The following FIZ1 variants were observed in gnomAD, a reference collection of about 807,000 sequenced individuals.
The protein encoded by FIZ1 is FLT3 interacting zinc finger 1, also known as flt3-interacting zinc finger protein 1.
FIZ1 carries 2 observed loss-of-function variants against 5.3 expected under a neutral mutation model. The observed-to-expected ratio is 0.37, with a 90% CI of 0.15 to 1.18. FIZ1 has a LOEUF of 1.18. Among genes scored for constraint, FIZ1 ranks in the 50% most tolerant of loss-of-function variants. The probability of loss-of-function intolerance (pLI) is 0.37; values close to 1 mark genes in which losing one functional copy is unlikely to be tolerated. For missense variants in FIZ1, 631 were observed against 749.7 expected (o/e 0.84, Z 1.85); for synonymous variants, 407 against 364.2 (o/e 1.12, Z -1.34).
intron 2 of FIZ1, among the ~76,000 whole-genome samples, chr19:55,594,525 G>A (rs1182096984): frequency 2.0e-5 from 3 of 151,140 alleles, no homozygotes; most frequent in Admixed American, 6.6e-5. Context: ...GTGAAACCCC[G>A]TCTCTACTAA....
rs1242370357 is a variant in FIZ1 at position 55,592,389 on chromosome 19, C to A, written c.*61G>T. 82 of 1,452,678 alleles carry A rather than the reference C, an allele frequency of 5.6e-5. No individual in the cohort carries two copies. The highest frequency in any genetic ancestry group is 7.3e-5 in the Non-Finnish European group (79 of 1,089,312). The allele number at this position is 1,452,678 out of a possible 1,614,324, so 90.0% of individuals were successfully genotyped here. On this transcript the variant is annotated 3_prime_UTR_variant, in exon 3 of 3. Transcript: ENST00000221665. This position sits in a 1 kb window ranked among gnomAD's most constrained non-coding sequence, Gnocchi z 6.9. Reference sequence around the variant, plus strand: ...GGGGCCTCACGCGCAGTCCCGAGGTCCCCTGGTCCAGGCCGAGTCCAGGAG... The same window carrying A: ...GGGGCCTCACGCGCAGTCCCGAGGTACCCTGGTCCAGGCCGAGTCCAGGAG...
chr19:55,593,819 G>A lies in FIZ1; in HGVS notation c.295-173C>T, dbSNP rs1980181206. 6.6e-6 allele frequency among the ~76,000 whole-genome samples: 1 copy of A among 152,070 alleles called. No homozygotes were observed. Among genetic ancestry groups the A allele is most frequent in the African/African-American group, 2.4e-5 (1 of 41,400 alleles). ...GTTTGGGGTCACGGTAGATTCTTTC[G>A]GTCCTTAAAAAGGCCATGTCCTGGC... On this transcript the variant is annotated intron_variant, in intron 2 of 2. Transcript: ENST00000221665. This position sits in a 1 kb window ranked among gnomAD's most constrained non-coding sequence, Gnocchi z 6.3.
chr19:55,595,266 C>A (rs1162501798), intron 2 of FIZ1, among the ~76,000 whole-genome samples: 4 of 152,196 alleles, frequency 2.6e-5, no homozygotes, highest in African/African-American at 9.6e-5. Flanking sequence ...ATTTGCCTTT[C>A]TGGCTCCAGA....
At position 55,593,252 on chromosome 19, in the gene FIZ1, C is replaced by A; in HGVS notation, c.689G>T (p.Cys230Phe). 7.9e-7 allele frequency: 1 copy of A among 1,269,338 alleles called. No individual in the cohort carries two copies. The highest frequency in any genetic ancestry group is 1.0e-6 in the Non-Finnish European group (1 of 998,976). 78.6% of individuals were successfully genotyped at this position (1,269,338 alleles called of 1,614,324 possible). A position where few individuals can be genotyped will look rare whatever the true frequency, so the allele number is the denominator to read the frequency against. The change falls in exon 3 of 3, where the codon TGC becomes TTC. Residue 230 changes from cysteine to phenylalanine, a missense_variant. Cys to Phe is a radical substitution (Grantham distance 205). Transcript: ENST00000221665. The surrounding 1 kb of genome is among the most constrained non-coding windows in gnomAD (Gnocchi z 6.3). ...AAHTDVKPFKCPRCERDFNAP... is the reference protein window; with the variant it reads ...AAHTDVKPFKFPRCERDFNAP... ...GTTGAAGTCGCGCTCGCAGCGCGGG[C>A]ACTTGAAGGGCTTCACGTCGGTGTG... is the stretch of plus-strand genomic sequence containing the variant.
intron 2 of FIZ1, among the ~76,000 whole-genome samples, chr19:55,597,129 A>G (rs1044146784): frequency 1.3e-5 from 2 of 152,272 alleles, no homozygotes; most frequent in Non-Finnish European, 2.9e-5. Context: ...TTGGCAACAC[A>G]GCCGTTTGGT....
Position 55,592,556 on chromosome 19 carries a change from A to G in FIZ1, c.1385T>C (p.Leu462Pro). The change falls in exon 3 of 3, where the codon CTG becomes CCG. Residue 462 changes from leucine (L) to proline (P), a missense_variant. By Grantham distance (98) the Leu-to-Pro change is moderately conservative (BLOSUM62 -3). Coordinates refer to ENST00000221665, the MANE Select transcript of FIZ1 (RefSeq NM_032836.3). This position sits in a 1 kb window ranked among gnomAD's most constrained non-coding sequence, Gnocchi z 6.9. ...GAAGGGCCGCTCGGTGCCGTGCAGC[A>G]GCCGGTGGCGCTTGAGGTAGCACTC... ...RHECYLKRHR[L>P]LHGTERPFPC... 1 of 1,611,968 alleles carries G rather than the reference A, an allele frequency of 6.2e-7. No homozygotes were observed. Among genetic ancestry groups the G allele is most frequent in the Non-Finnish European group, 8.5e-7 (1 of 1,179,200 alleles).
At position 55,594,696 on chromosome 19, in the gene FIZ1, CAAAAAA is replaced by C. The variant is rs71181796; in HGVS notation, c.295-1056_295-1051del. Among the ~76,000 whole-genome samples the C allele has an allele frequency of 1.7e-3, 151 of 86,954 alleles. 2 individuals are homozygous for C. Among genetic ancestry groups the C allele is most frequent in the African/African-American group, 5.3e-3 (130 of 24,546 alleles). 57.0% of individuals were successfully genotyped at this position (86,954 alleles called of 152,430 possible). ...TGGGCGACAGAGCGAGACTCTGTCT[CAAAAAA>C]AAAAAAAAAAAAAAAAGAAATCACT... is the stretch of plus-strand genomic sequence containing the variant. On this transcript the variant is annotated intron_variant, in intron 2 of 2. Transcript: ENST00000221665.
intron 2 of FIZ1, chr19:55,595,562 G>T (rs1198774199): frequency 6.6e-6 from 1 of 152,152 alleles, no homozygotes; most frequent in Non-Finnish European, 1.5e-5. Flanking sequence ...CTTGAGTGTT[G>T]TCTGTCTCCC....
intron 2 of FIZ1, among the ~76,000 whole-genome samples, chr19:55,594,928 C>T (rs1355509013): frequency 6.6e-6 from 1 of 152,082 alleles, no homozygotes. Flanking sequence ...TCCCACTGAA[C>T]GCTTTTCACA....
rs367627715 is a variant in FIZ1 at position 55,592,771 on chromosome 19, C to T, written c.1170G>A (p.Ala390=). 172 of 1,594,484 alleles carry T rather than the reference C, an allele frequency of 1.1e-4. No homozygotes were observed. Among genetic ancestry groups the T allele is most frequent in the Non-Finnish European group, 1.4e-4 (159 of 1,172,330 alleles). ...SHGEGGGEEA[A]TAAREREPAS... is the part of the protein sequence containing the mutation. ...CCGGTTCCCTTTCCCGGGCGGCGGT[C>T]GCCGCCTCCTCCCCGCCGCCCTCAC... Residue 390 remains alanine (A), a synonymous_variant, in exon 3 of 3, where the codon GCG becomes GCA. Coordinates refer to ENST00000221665, the MANE Select transcript of FIZ1 (RefSeq NM_032836.3). This position sits in a 1 kb window ranked among gnomAD's most constrained non-coding sequence, Gnocchi z 6.9.
At chr19:55,598,693 A>G (rs557801349) in intron 1 of FIZ1, 2 of 152,302 alleles carry the variant, frequency 1.3e-5, no homozygotes, top group East Asian at 3.9e-4. Context: ...GGGTCCACTA[A>G]GACCCACTTC....
At chr19:55,596,494 C>T (rs1479316562) in intron 2 of FIZ1, among the ~76,000 whole-genome samples, 1 of 152,136 alleles carries the variant, frequency 6.6e-6, no homozygotes, top group Non-Finnish European at 1.5e-5. Flanking sequence ...GAACACAGCA[C>T]ACTCCTTCCT....
chr19:55,598,178 A>G (rs1445950860), intron 1 of FIZ1: 2 of 417,096 alleles, frequency 4.8e-6, no homozygotes. Flanking sequence ...ATGCGCGGCC[A>G]CTGCTCTCTG....
In FIZ1 at chr19:55,597,555, C is replaced by G; in HGVS notation, c.294+17G>C. 6.2e-7 allele frequency: 1 copy of G among 1,604,452 alleles called. No homozygotes were observed. Among genetic ancestry groups the G allele is most frequent in the East Asian group, 2.2e-5 (1 of 44,774 alleles). ...CTGACCAGGGAGGCCAGCCTAGGGC[C>G]GGCCTGTGGGACTCACCTGGTGGTG... On this transcript the variant is annotated intron_variant, in intron 2 of 2. Transcript: ENST00000221665.
At chr19:55,598,135 G>A in intron 1 of FIZ1, 3 of 549,828 alleles carry the variant, frequency 5.5e-6, no homozygotes, top group South Asian at 5.0e-5. Context: ...TCACTCCACG[G>A]AGTGTTTTTA....
chr19:55,593,117 C>T lies in FIZ1; in HGVS notation c.824G>A (p.Gly275Asp). The T allele has an allele frequency of 7.8e-7, 1 of 1,278,962 alleles. No individual in the cohort carries two copies. Among genetic ancestry groups the T allele is most frequent in the Admixed American group, 4.3e-5 (1 of 23,366 alleles). 79.2% of individuals were successfully genotyped at this position (1,278,962 alleles called of 1,614,324 possible). A position where few individuals can be genotyped will look rare whatever the true frequency, so the allele number is the denominator to read the frequency against. The change falls in exon 3 of 3, where the codon GGC (glycine) becomes GAC (aspartate). Residue 275 changes from glycine (G) to aspartate (D), a missense_variant. This residue lies in a region of FIZ1 where 463 missense variants were observed against 455.1 expected (regional missense o/e 1.02). Coordinates refer to ENST00000221665, the MANE Select transcript of FIZ1 (RefSeq NM_032836.3). This position sits in a 1 kb window ranked among gnomAD's most constrained non-coding sequence, Gnocchi z 6.3. ...AGPGAGPETA[G>D]EGTAAEAGDA... The stretch of plus-strand genomic sequence containing the variant: ...GCCCGCCTCCGCAGCGGTGCCTTCG[C>T]CCGCCGTCTCGGGCCCTGCGCCTGG...
At chr19:55,598,976 T>A (rs1490053760) in intron 1 of FIZ1, 1 of 152,740 alleles carries the variant, frequency 6.5e-6, no homozygotes, top group Non-Finnish European at 1.5e-5. Context: ...TCCTGCTTCC[T>A]GGGCTCCCTT....
At chr19:55,596,658 T>C (rs540756242) in intron 2 of FIZ1, among the ~76,000 whole-genome samples, 2 of 150,648 alleles carry the variant, frequency 1.3e-5, no homozygotes, top group South Asian at 2.1e-4. Flanking sequence ...CTCTCACACA[T>C]TGATTTGTAT....
Position 55,592,284 on chromosome 19 carries a change from TG to T in FIZ1, c.*165del. The T allele has an allele frequency of 1.4e-6, 1 of 716,010 alleles. No homozygotes were observed. The highest frequency in any genetic ancestry group is 1.8e-5 in the African/African-American group (1 of 54,976). 44.4% of individuals were successfully genotyped at this position (716,010 alleles called of 1,614,324 possible). On this transcript the variant is annotated 3_prime_UTR_variant, in exon 3 of 3. Transcript: ENST00000221665. This position sits in a 1 kb window ranked among gnomAD's most constrained non-coding sequence, Gnocchi z 6.9. ...TGGTCCCCCAGCTCCGGGGCCTTTG[TG>T]GGTTTTTGGTGGCCCCCACCTCTCC...
Sources: allele counts gnomAD v4.1 joint callset (sites outside exome capture counted in the v4.1 genomes callset), GRCh38; gene constraint gnomAD v4.1.1; regional missense constraint gnomAD v4.1.1; non-coding constraint Gnocchi (gnomAD v3.1); transcripts MANE v1.5; gene names NCBI Gene and HGNC (gene_info 2026-07-23, HGNC 2026-07-21).